The following TRIM36 variants were observed in gnomAD, a reference collection of about 807,000 sequenced individuals.
TRIM36 encodes the protein tripartite motif containing 36, also known as E3 ubiquitin-protein ligase TRIM36.
Under a neutral mutation model 72.4 loss-of-function variants are expected in TRIM36, and 42 were observed. The ratio of observed to expected loss-of-function variants is 0.58; its 90% CI spans 0.45 to 0.75. The LOEUF is 0.75. Ranked by LOEUF, TRIM36 falls within the 30% of genes least tolerant of loss-of-function variation. The probability of loss-of-function intolerance (pLI) is 0.00; values close to 1 mark genes in which losing one functional copy is unlikely to be tolerated. For missense variants in TRIM36, 913 were observed against 857.1 expected, an observed-to-expected ratio of 1.07 and a Z score of -0.81; for synonymous variants, 315 against 282.8, an observed-to-expected ratio of 1.11 and a Z score of -1.14.
intron 1 of TRIM36, among the ~76,000 whole-genome samples, chr5:115,178,445 G>A (rs565817449): frequency 1.3e-5 from 2 of 152,124 alleles, no homozygotes; most frequent in African/African-American, 2.4e-5. Flanking sequence ...CGTGGTTCTG[G>A]CCCTCCTCTG....
chr5:115,152,894 G>A (rs558740324), intron 2 of TRIM36, among the ~76,000 whole-genome samples: 30 of 152,054 alleles, frequency 2.0e-4, no homozygotes, highest in African/African-American at 6.5e-4. Context: ...TCCTGGAAAC[G>A]CATCAAAACA....
Position 115,169,701 on chromosome 5 carries a change from G to C in TRIM36, c.-67C>G. The C allele has an allele frequency of 6.7e-7, 1 of 1,502,722 alleles. No homozygotes were observed. The highest frequency in any genetic ancestry group is 8.9e-7 in the Non-Finnish European group (1 of 1,126,998). The allele number at this position is 1,502,722 out of a possible 1,614,324, so 93.1% of individuals were successfully genotyped here. A position where few individuals can be genotyped will look rare whatever the true frequency, so the allele number is the denominator to read the frequency against. On this transcript the variant is annotated 5_prime_UTR_variant, in exon 1 of 10. Transcript: ENST00000513154. Reference sequence around the variant, plus strand: ...ACACCGGCTACCGAGCGCAGGGTCTGGTGGGCGGGTCCCTGCGGCGGCCGT... The same window carrying C: ...ACACCGGCTACCGAGCGCAGGGTCTCGTGGGCGGGTCCCTGCGGCGGCCGT...
chr5:115,138,878 C>T (rs920997475), intron 5 of TRIM36, among the ~76,000 whole-genome samples: 5 of 152,244 alleles, frequency 3.3e-5, no homozygotes, highest in African/African-American at 4.8e-5. Context: ...TGCAGTGGCG[C>T]GATCTCGGCT....
chr5:115,177,453 C>T, intron 1 of TRIM36: 8 of 1,040,016 alleles, frequency 7.7e-6, no homozygotes, highest in Non-Finnish European at 9.6e-6. Context: ...AGACCAGTTT[C>T]CCATTATTCT....
At position 115,126,114 on chromosome 5, in the gene TRIM36, CAT is replaced by C. The variant is rs1752349130; in HGVS notation, c.*387_*388del. The C allele has an allele frequency of 5.7e-6, 1 of 174,592 alleles. No homozygotes were observed. The highest frequency in any genetic ancestry group is 1.2e-5 in the Non-Finnish European group (1 of 81,446). The allele number at this position is 174,592 out of a possible 1,614,324, so 10.8% of individuals were successfully genotyped here. A position where few individuals can be genotyped will look rare whatever the true frequency, so the allele number is the denominator to read the frequency against. ...ATTTAAAAAATATCTTCTCTTAGGA[CAT>C]AAACATGATATAAAAATGAAAAGTC... On this transcript the variant is annotated 3_prime_UTR_variant, in exon 10 of 10. Transcript: ENST00000513154.
chr5:115,166,773 C>T (rs868777205), intron 1 of TRIM36, among the ~76,000 whole-genome samples: 1 of 152,336 alleles, frequency 6.6e-6, no homozygotes, highest in African/African-American at 2.4e-5. Flanking sequence ...CTGTGACATC[C>T]TCTTTGTGGC....
intron 5 of TRIM36, among the ~76,000 whole-genome samples, chr5:115,140,491 A>C (rs1753219060): frequency 6.6e-6 from 1 of 152,230 alleles, no homozygotes; most frequent in Non-Finnish European, 1.5e-5. Context: ...CCACACACTC[A>C]ATATAACCAG....
intron 1 of TRIM36, among the ~76,000 whole-genome samples, chr5:115,165,318 C>T (rs1023186026): frequency 1.3e-5 from 2 of 152,332 alleles, no homozygotes; most frequent in African/African-American, 2.4e-5. Context: ...CTTTGCACTG[C>T]CCTAGCAGAG....
rs1362806148 is a variant in TRIM36 at position 115,125,137 on chromosome 5, G to A, written c.*1366C>T. 1.3e-5 allele frequency: 2 copies of A among 151,572 alleles called. No individual in the cohort carries two copies. The highest frequency in any genetic ancestry group is 4.9e-5 in the African/African-American group (2 of 41,176). The allele number at this position is 151,572 out of a possible 1,614,324, so 9.4% of individuals were successfully genotyped here. On this transcript the variant is annotated 3_prime_UTR_variant, in exon 10 of 10. Coordinates refer to ENST00000513154, the MANE Select transcript of TRIM36 (RefSeq NM_001300759.2). ...TTTCCATTAAAAATATAACAACAAG[G>A]ACAACCAAAAAAAACAGGCCTAAAA...
At chr5:115,155,230 C>A (rs1373996880) in intron 2 of TRIM36, among the ~76,000 whole-genome samples, 1 of 151,934 alleles carries the variant, frequency 6.6e-6, no homozygotes, top group African/African-American at 2.4e-5. Flanking sequence ...AACCTGTAAT[C>A]TCAGCTACTC....
At chr5:115,149,163 A>C (rs1753755131) in intron 2 of TRIM36, 2 of 152,208 alleles carry the variant, frequency 1.3e-5, no homozygotes, top group South Asian at 4.1e-4. Flanking sequence ...CCTAAAATAT[A>C]TTCAGATAAT....
chr5:115,171,068 A>G, upstream of TRIM36: 1 of 1,613,806 alleles, frequency 6.2e-7, no homozygotes, highest in Non-Finnish European at 8.5e-7. Flanking sequence ...TTGCTGGGTA[A>G]GTAGGGACTA....
intron 1 of TRIM36, chr5:115,179,886 C>G (rs1755535409): frequency 7.5e-7 from 1 of 1,327,976 alleles, no homozygotes; most frequent in Admixed American, 1.9e-5. Context: ...TTCCCAGGCG[C>G]TGGAATGGAC....
chr5:115,136,419 C>T (rs544013791), intron 7 of TRIM36, among the ~76,000 whole-genome samples: 10 of 152,264 alleles, frequency 6.6e-5, no homozygotes, highest in African/African-American at 1.9e-4. Context: ...GACTTGTAGG[C>T]TCCAGAAATG....
chr5:115,171,291 A>G (rs1472790931), upstream of TRIM36: 2 of 1,595,766 alleles, frequency 1.3e-6, no homozygotes, highest in East Asian at 2.2e-5. Context: ...AATACCCTCC[A>G]TTTACAGATG....
At chr5:115,158,874 C>T (rs1754328457) in intron 2 of TRIM36, among the ~76,000 whole-genome samples, 1 of 152,062 alleles carries the variant, frequency 6.6e-6, no homozygotes, top group African/African-American at 2.4e-5. Context: ...GGCTTCTAAT[C>T]GTGGCTTTAA....
chr5:115,170,628 G>C (rs975761385), upstream of TRIM36, among the ~76,000 whole-genome samples: 9 of 152,238 alleles, frequency 5.9e-5, no homozygotes, highest in African/African-American at 1.9e-4. Flanking sequence ...GTCATATCCC[G>C]CTTTCTGCTT....
rs1475511662 is a variant in TRIM36 at position 115,162,396 on chromosome 5, GT to G, written c.262+1121del. Among the ~76,000 whole-genome samples the G allele has an allele frequency of 2.0e-5, 3 of 152,306 alleles. No homozygotes were observed. In the South Asian group the frequency reaches 6.2e-4, roughly 32 times the overall value. On this transcript the variant is annotated intron_variant, in intron 2 of 9. Coordinates refer to ENST00000513154, the MANE Select transcript of TRIM36 (RefSeq NM_001300759.2). The stretch of plus-strand genomic sequence containing the variant: ...TCTCTGTACAAATCCTGTGGCAGAG[GT>G]TTCTCATTCAACATCCATTCAACAA...
At chr5:115,169,910 G>C, upstream of TRIM36, 10 of 1,288,144 alleles carry the variant, frequency 7.8e-6, no homozygotes, top group Non-Finnish European at 9.8e-6. Flanking sequence ...GCGGACTGCG[G>C]CTGGGAACGG....
Sources: gnomAD v4.1 joint callset for allele counts (sites outside exome capture counted in the v4.1 genomes callset) on GRCh38, gnomAD v4.1.1 for gene constraint, MANE v1.5 for transcripts, NCBI Gene and HGNC (gene_info 2026-07-23, HGNC 2026-07-21) for gene names.